Variants in RNF157 observed in about 807,000 individuals in gnomAD.
RNF157 encodes E3 ubiquitin ligase RNF157.
A neutral mutation model predicts 88.3 loss-of-function variants in RNF157; 55 were observed. The ratio of observed to expected loss-of-function variants is 0.62; its 90% CI spans 0.50 to 0.78. RNF157 has a LOEUF of 0.78. RNF157 is among the 30% of genes least tolerant of loss of function. RNF157 has a pLI of 0.00. For synonymous variants in RNF157, 334 were observed against 341.2 expected, an observed-to-expected ratio of 0.98 and a Z score of 0.23; for missense variants, 788 against 860.8, an observed-to-expected ratio of 0.92 and a Z score of 1.06.
chr17:76,212,668 C>A (rs1217769683), intron 1 of RNF157, among the ~76,000 whole-genome samples, 186 bp from the exon 2 acceptor site: 1 of 152,122 alleles, frequency 6.6e-6, no homozygotes, highest in African/African-American at 2.4e-5. Flanking sequence ...TCGAGACCAG[C>A]CTGGCCAACA....
intron 2 of RNF157, among the ~76,000 whole-genome samples, chr17:76,201,388 T>TGTAGTCCCAGCTACCAGGAAGGCTGAG (rs2069575888): frequency 6.6e-6 from 1 of 151,622 alleles, no homozygotes; most frequent in Non-Finnish European, 1.5e-5. Context: ...GTCATGTATC[T>TGTAGTCCCAGCTACCAGGAAGGCTGAG]GTAGTCCCAG....
rs2068790827 is a variant in RNF157, at chr17:76,157,933, C to T, written c.1413+460G>A. On this transcript the variant is annotated intron_variant, in intron 13 of 18. Coordinates refer to ENST00000269391, the MANE Select transcript of RNF157 (RefSeq NM_052916.3). This position sits in a 1 kb window ranked among gnomAD's most constrained non-coding sequence, Gnocchi z 5.6. ...TCCTTGCTGTTCCCAGACCTAGGGC[C>T]CTCTCTCCTCGTATATCTGCATAGC... Among the ~76,000 whole-genome samples the T allele has an allele frequency of 6.6e-6, 1 of 151,902 alleles. No individual in the cohort carries two copies. Among genetic ancestry groups the T allele is most frequent in the Admixed American group, 6.6e-5 (1 of 15,262 alleles).
chr17:76,154,241 G>C (rs1255607916), intron 17 of RNF157, 42 bp downstream of exon 17: 1 of 1,462,732 alleles, frequency 6.8e-7, no homozygotes, highest in Non-Finnish European at 9.6e-7. Context: ...ACCCAGGAAA[G>C]AAAGATAACT....
At chr17:76,152,251 G>T (rs1213432801) in intron 18 of RNF157, 104 bp downstream of exon 18, 3 of 781,134 alleles carry the variant, frequency 3.8e-6, no homozygotes, top group African/African-American at 1.7e-5. Flanking sequence ...AGGCCTTCTT[G>T]GCAGGAACTG....
At chr17:76,204,190 C>A (rs545466006) in intron 2 of RNF157, among the ~76,000 whole-genome samples, 1 of 152,312 alleles carries the variant, frequency 6.6e-6, no homozygotes, top group South Asian at 2.1e-4. Flanking sequence ...CCACTCTGAG[C>A]GCCAAAAGCA....
At chr17:76,170,932 G>A (rs1425121135) in intron 3 of RNF157, among the ~76,000 whole-genome samples, 3 of 150,960 alleles carry the variant, frequency 2.0e-5, no homozygotes, top group East Asian at 1.9e-4. Context: ...TCACTCTGTC[G>A]CCCAGGCTGA....
chr17:76,240,189 G>C lies in RNF157; in HGVS notation c.52C>G (p.Pro18Ala). 5 of 1,409,808 alleles carry C rather than the reference G, an allele frequency of 3.5e-6. No individual in the cohort carries two copies. Among genetic ancestry groups the C allele is most frequent in the South Asian group, 1.7e-5 (1 of 59,658 alleles). The allele number at this position is 1,409,808 out of a possible 1,614,324, so 87.3% of individuals were successfully genotyped here. Residue 18 changes from proline (P) to alanine (A), a missense_variant, in exon 1 of 19, where the codon CCG becomes GCG. Physicochemically the swap from Pro to Ala is conservative, Grantham distance 27. Coordinates refer to ENST00000269391, the MANE Select transcript of RNF157 (RefSeq NM_052916.3). This position sits in a 1 kb window ranked among gnomAD's most constrained non-coding sequence, Gnocchi z 4.4. ...GGGTAGCGGTACACGGAATTAGACG[G>C]GATGTCCACCTCCTCCACGCCCGCG... ...QHAGVEEVDI[P>A]SNSVYRYPPK...
In RNF157 at chr17:76,146,281, A is replaced by C; in HGVS notation, c.1922-928T>G. On this transcript the variant is annotated intron_variant, in intron 18 of 18. Transcript: ENST00000269391. This position sits in a 1 kb window ranked among gnomAD's most constrained non-coding sequence, Gnocchi z 4.2. ...GGTTTTCTCACCCATCAGATGGGAC[A>C]TGCGTACTGACCTCACGGGCTTGCT... is the stretch of plus-strand genomic sequence containing the variant. The C allele has an allele frequency of 1.1e-6, 1 of 913,714 alleles. No individual in the cohort carries two copies. Among genetic ancestry groups the C allele is most frequent in the South Asian group, 5.0e-5 (1 of 19,890 alleles). The allele number at this position is 913,714 out of a possible 1,614,324, so 56.6% of individuals were successfully genotyped here. A position where few individuals can be genotyped will look rare whatever the true frequency, so the allele number is the denominator to read the frequency against.
intron 2 of RNF157, 25 bp from the exon 3 acceptor site, chr17:76,173,815 A>C: frequency 6.3e-7 from 1 of 1,577,716 alleles, no homozygotes; most frequent in Non-Finnish European, 8.7e-7. Context: ...AAGCAGGAGA[A>C]GGTGGTGTGT....
Position 76,146,177 on chromosome 17 carries a change from T to C in RNF157, c.1922-824A>G, listed in dbSNP as rs2068582576. 2 of 181,264 alleles carry C rather than the reference T, an allele frequency of 1.1e-5. No homozygotes were observed. The highest frequency in any genetic ancestry group is 6.5e-5 in the Admixed American group (1 of 15,300). 11.2% of individuals were successfully genotyped at this position (181,264 alleles called of 1,614,324 possible). Reference sequence around the variant, plus strand: ...ACTTCCTGGCCGTGTTGTGACTCCATCTGTAGTCACGCTAACCTGGGCTCC... The same window carrying C: ...ACTTCCTGGCCGTGTTGTGACTCCACCTGTAGTCACGCTAACCTGGGCTCC... On this transcript the variant is annotated intron_variant, in intron 18 of 18. Coordinates refer to ENST00000269391, the MANE Select transcript of RNF157 (RefSeq NM_052916.3). The surrounding 1 kb of genome is among the most constrained non-coding windows in gnomAD (Gnocchi z 4.2).
rs982536420 is a variant in RNF157 at position 76,176,714 on chromosome 17, G to A, written c.208-2924C>T. The stretch of plus-strand genomic sequence containing the variant: ...CCAGCAGAGGAGCAGCGTGGCAGAA[G>A]AGCAGCGCGGTAGGGCAAAGAGGAG... On this transcript the variant is annotated intron_variant, in intron 2 of 18. Coordinates refer to ENST00000269391, the MANE Select transcript of RNF157 (RefSeq NM_052916.3). This position sits in a 1 kb window ranked among gnomAD's most constrained non-coding sequence, Gnocchi z 4.2. 6.6e-6 allele frequency among the ~76,000 whole-genome samples: 1 copy of A among 152,220 alleles called. No homozygotes were observed.
At chr17:76,147,777 C>T (rs1431135122) in intron 18 of RNF157, among the ~76,000 whole-genome samples, 1 of 152,224 alleles carries the variant, frequency 6.6e-6, no homozygotes, top group Non-Finnish European at 1.5e-5. Context: ...GCAGGTGCCG[C>T]CATTTTGTCT....
chr17:76,197,051 A>C (rs1365306463), intron 2 of RNF157, among the ~76,000 whole-genome samples: 1 of 152,166 alleles, frequency 6.6e-6, no homozygotes, highest in African/African-American at 2.4e-5. Flanking sequence ...CAGAGAACCC[A>C]ACCTAAACCG....
In RNF157 at chr17:76,160,336, TG is replaced by T. The variant is rs2068829031; in HGVS notation, c.1066-764del. On this transcript the variant is annotated intron_variant, in intron 11 of 18. Transcript: ENST00000269391. This position sits in a 1 kb window ranked among gnomAD's most constrained non-coding sequence, Gnocchi z 4.3. Reference sequence around the variant, plus strand: ...TAGCTCTTAGATGATGAGGTATAAATGTTTTTAAGGCCTTGATATATACTGC... The same window carrying T: ...TAGCTCTTAGATGATGAGGTATAAATTTTTTAAGGCCTTGATATATACTGC... 2.0e-5 allele frequency among the ~76,000 whole-genome samples: 3 copies of T among 152,008 alleles called. No individual in the cohort carries two copies. Among genetic ancestry groups the T allele is most frequent in the Admixed American group, 2.0e-4 (3 of 15,268 alleles).
Position 76,195,132 on chromosome 17 carries a change from G to A in RNF157, c.207+17232C>T, listed in dbSNP as rs1403881320. 6.6e-6 allele frequency among the ~76,000 whole-genome samples: 1 copy of A among 152,140 alleles called. No individual in the cohort carries two copies. The highest frequency in any genetic ancestry group is 1.5e-5 in the Non-Finnish European group (1 of 68,032). ...GCGATTCAGGAGAACAGAAAGGGCC[G>A]AAATCCCAAATGGCAGAAACATATT... On this transcript the variant is annotated intron_variant, in intron 2 of 18. Transcript: ENST00000269391. This position sits in a 1 kb window ranked among gnomAD's most constrained non-coding sequence, Gnocchi z 4.4.
chr17:76,202,854 C>T (rs973285975), intron 2 of RNF157: 4 of 152,378 alleles, frequency 2.6e-5, no homozygotes, highest in African/African-American at 9.7e-5. Context: ...TGCTGTTAAT[C>T]CTATTCAGTT....
At chr17:76,166,929 C>T in intron 5 of RNF157, 80 bp downstream of exon 5, 1 of 906,184 alleles carries the variant, frequency 1.1e-6, no homozygotes, top group Non-Finnish European at 1.7e-6. Context: ...CGAGCAGCCC[C>T]TTTGCTGTCA....
At chr17:76,216,771 G>A (rs1224177214) in intron 1 of RNF157, among the ~76,000 whole-genome samples, 3 of 149,948 alleles carry the variant, frequency 2.0e-5, no homozygotes, top group Non-Finnish European at 4.4e-5. Context: ...CAAGCCTGTG[G>A]TCCCAGCTAC....
Position 76,143,579 on chromosome 17 carries a change from G to A in RNF157, c.*1656C>T, listed in dbSNP as rs992594700. The stretch of plus-strand genomic sequence containing the variant: ...ATTAGGTGGGGCCTGAAATGGTAAA[G>A]TCTACTGCAGTTTTTCAGAGAGGGT... On this transcript the variant is annotated 3_prime_UTR_variant, in exon 19 of 19. Coordinates refer to ENST00000269391, the MANE Select transcript of RNF157 (RefSeq NM_052916.3). 1 of 152,220 alleles carries A rather than the reference G, an allele frequency of 6.6e-6. No homozygotes were observed. The highest frequency in any genetic ancestry group is 1.5e-5 in the Non-Finnish European group (1 of 68,052). The allele number at this position is 152,220 out of a possible 1,614,324, so 9.4% of individuals were successfully genotyped here.
Sources: gnomAD v4.1 joint callset for allele counts (sites outside exome capture counted in the v4.1 genomes callset) on GRCh38, gnomAD v4.1.1 for gene constraint, Gnocchi (gnomAD v3.1) non-coding constraint, MANE v1.5 for transcripts, NCBI Gene and HGNC (gene_info 2026-07-23, HGNC 2026-07-21) for gene names.